POLA1: variants seen among roughly 807,000 people sequenced by gnomAD.
POLA1 encodes the protein DNA polymerase alpha 1, catalytic subunit.
Under a neutral mutation model 124.0 loss-of-function variants are expected in POLA1, and 15 were observed. The ratio of observed to expected loss-of-function variants is 0.12; its 90% CI spans 0.08 to 0.19. The LOEUF (loss-of-function observed/expected upper bound fraction) is 0.19, where lower values mean the gene tolerates loss of function less well. Among genes scored for constraint, POLA1 ranks in the 10% least tolerant of loss-of-function variants. POLA1 has a pLI of 1.00. For synonymous variants in POLA1, 408 were observed against 389.4 expected (o/e 1.05, Z -0.56); for missense variants, 886 against 1,103.4 (o/e 0.80, Z 2.79).
At chrX:24,830,684 A>G (rs759904637) in intron 32 of POLA1, among the ~76,000 whole-genome samples, 6 of 112,032 alleles carry the variant, frequency 5.4e-5, no homozygotes, top group Non-Finnish European at 1.1e-4. Context: ...CATTCTATTG[A>G]AAGCTCTCCC....
intron 4 of POLA1, among the ~76,000 whole-genome samples, chrX:24,711,596 C>T (rs1437726745): frequency 2.7e-5 from 3 of 111,364 alleles, no homozygotes; most frequent in Non-Finnish European, 3.8e-5. Flanking sequence ...AGAGTAGCTA[C>T]GCATAAATTT....
At chrX:24,921,557 G>A (rs994018735) in intron 35 of POLA1, among the ~76,000 whole-genome samples, 8 of 111,754 alleles carry the variant, frequency 7.2e-5, no homozygotes, top group Non-Finnish European at 1.3e-4. Flanking sequence ...CAGTGCCTTC[G>A]CATGTAGTAG....
chrX:24,922,033 C>T (rs918677779), intron 35 of POLA1, among the ~76,000 whole-genome samples: 7 of 110,801 alleles, frequency 6.3e-5, no homozygotes, highest in African/African-American at 2.3e-4. Context: ...TTTCATCCAG[C>T]TTAGATCTGA....
At chrX:24,810,112 C>A (rs964407234) in intron 27 of POLA1, among the ~76,000 whole-genome samples, 182 bp downstream of exon 27, 1 of 111,534 alleles carries the variant, frequency 9.0e-6, no homozygotes, top group African/African-American at 3.3e-5. Context: ...TATGATCTAG[C>A]CCCTGCTTGA....
intron 32 of POLA1, among the ~76,000 whole-genome samples, chrX:24,834,899 G>A (rs1315897451): frequency 1.8e-5 from 2 of 110,843 alleles, no homozygotes; most frequent in Non-Finnish European, 3.8e-5. Flanking sequence ...AAATTATAGG[G>A]TAAGATTAAA....
intron 36 of POLA1, among the ~76,000 whole-genome samples, chrX:24,943,913 A>T (rs745991112): frequency 1.8e-5 from 2 of 111,915 alleles, no homozygotes; most frequent in African/African-American, 6.5e-5. Context: ...GGGAAATACC[A>T]AAGGGCACAG....
At chrX:24,790,762 A>C (rs1486247357) in intron 26 of POLA1, among the ~76,000 whole-genome samples, 1 of 109,811 alleles carries the variant, frequency 9.1e-6, no homozygotes, top group Non-Finnish European at 1.9e-5. Context: ...AAGTTGCCCC[A>C]AAAATACACA....
intron 19 of POLA1, 50 bp downstream of exon 19, chrX:24,737,791 T>C: frequency 1.7e-6 from 1 of 604,853 alleles, no homozygotes; most frequent in Non-Finnish European, 2.7e-6. Flanking sequence ...TAATTTGGGA[T>C]AGCTACCAAG....
At chrX:24,922,692 A>G (rs2047635344) in intron 35 of POLA1, among the ~76,000 whole-genome samples, 1 of 111,537 alleles carries the variant, frequency 9.0e-6, no homozygotes, top group African/African-American at 3.3e-5. Flanking sequence ...TTTGAAACTA[A>G]TCTGTAGAAC....
At chrX:24,734,804 CAG>C (rs906391181) in intron 17 of POLA1, among the ~76,000 whole-genome samples, 8 of 111,258 alleles carry the variant, frequency 7.2e-5, no homozygotes, top group African/African-American at 2.0e-4. Context: ...TTAGTAGAGA[CAG>C]GGTTTCACCA....
At chrX:24,870,286 G>A (rs1327094075) in intron 34 of POLA1, among the ~76,000 whole-genome samples, 1 of 112,091 alleles carries the variant, frequency 8.9e-6, no homozygotes, top group Non-Finnish European at 1.9e-5. Context: ...ACCACTTGAA[G>A]CACCCGGCTT....
At chrX:24,735,559 G>C in intron 18 of POLA1, 71 bp downstream of exon 18, 2 of 607,512 alleles carry the variant, frequency 3.3e-6, no homozygotes, top group East Asian at 3.4e-5. Context: ...GACTTTATTG[G>C]TGCTTTTGAG....
intron 10 of POLA1, among the ~76,000 whole-genome samples, chrX:24,718,233 A>G (rs1374042751): frequency 2.7e-5 from 3 of 112,075 alleles, no homozygotes; most frequent in African/African-American, 6.5e-5. Flanking sequence ...AAATTCGTGC[A>G]CTATAATGGA....
At chrX:24,711,886 C>T (rs1000411756) in intron 4 of POLA1, among the ~76,000 whole-genome samples, 4 of 112,289 alleles carry the variant, frequency 3.6e-5, no homozygotes, top group African/African-American at 1.3e-4. Context: ...GCGTGAGCCA[C>T]CACGCCCAGC....
At chrX:24,717,158 G>A in intron 8 of POLA1, 132 bp from the exon 9 acceptor site, 1 of 579,384 alleles carries the variant, frequency 1.7e-6, no homozygotes, top group African/African-American at 2.3e-5. Flanking sequence ...AAAGAGAAAT[G>A]CAAACATAGT....
intron 1 of POLA1, 130 bp downstream of exon 1, chrX:24,694,134 C>T (rs1158500307): frequency 9.2e-6 from 6 of 651,816 alleles, no homozygotes; most frequent in Non-Finnish European, 1.4e-5. Flanking sequence ...GGCGGGGGCC[C>T]TTCTGGCGTC....
At chrX:24,736,222 G>A (rs757456162) in intron 18 of POLA1, among the ~76,000 whole-genome samples, 2 of 111,729 alleles carry the variant, frequency 1.8e-5, no homozygotes, top group South Asian at 7.6e-4. Flanking sequence ...AGTGTTTGCC[G>A]TATTCTTCCC....
At chrX:24,808,516 GTT>G (rs11476568) in intron 26 of POLA1, among the ~76,000 whole-genome samples, 43 of 102,233 alleles carry the variant, frequency 4.2e-4, no homozygotes, top group African/African-American at 5.7e-4. Flanking sequence ...GATATTGTTT[GTT>G]TTTTTTTTTT....
At chrX:24,738,872 TC>T (rs1484590375) in intron 19 of POLA1, among the ~76,000 whole-genome samples, 2 of 112,002 alleles carry the variant, frequency 1.8e-5, no homozygotes, top group African/African-American at 6.5e-5. Context: ...CCACTACAGA[TC>T]AAAGTTGGGG....
Sources: gnomAD v4.1 joint callset for allele counts (sites outside exome capture counted in the v4.1 genomes callset) on GRCh38, gnomAD v4.1.1 for gene constraint, MANE v1.5 for transcripts, NCBI Gene and HGNC (gene_info 2026-07-23, HGNC 2026-07-21) for gene names.